AKT3: variants seen among roughly 807,000 people sequenced by gnomAD.
The protein encoded by AKT3 is AKT serine/threonine kinase 3, also known as RAC-gamma serine/threonine-protein kinase.
A neutral mutation model predicts 65.3 loss-of-function variants in AKT3; 15 were observed. The observed-to-expected ratio is 0.23, with a 90% confidence interval of 0.15 to 0.35. The LOEUF (loss-of-function observed/expected upper bound fraction) is 0.35. Ranked by LOEUF, AKT3 falls within the 10% of genes least tolerant of loss-of-function variation. The probability of loss-of-function intolerance (pLI) is 1.00; values close to 1 mark genes in which losing one functional copy is unlikely to be tolerated. For missense variants in AKT3, 243 were observed against 576.5 expected, an observed-to-expected ratio of 0.42 and a Z score of 5.92; for synonymous variants, 206 against 183.8, an observed-to-expected ratio of 1.12 and a Z score of -0.98.
chr1:243,847,763 CCAG>C (rs1447602004), intron 1 of AKT3, among the ~76,000 whole-genome samples: 1 of 152,074 alleles, frequency 6.6e-6, no homozygotes, highest in Non-Finnish European at 1.5e-5. Context: ...TTTAATTAAA[CCAG>C]CACACAGTTC....
At chr1:243,602,028 A>T (rs1010024763) in intron 8 of AKT3, among the ~76,000 whole-genome samples, 1 of 152,232 alleles carries the variant, frequency 6.6e-6, no homozygotes, top group Non-Finnish European at 1.5e-5. Context: ...GAAAGGAATC[A>T]TGTAAATACC....
chr1:243,844,473 A>G (rs553990396), intron 1 of AKT3, among the ~76,000 whole-genome samples: 1 of 152,226 alleles, frequency 6.6e-6, no homozygotes, highest in South Asian at 2.1e-4. Context: ...TCCTATTTAC[A>G]GTATCCAAAA....
At chr1:243,763,752 C>T (rs1341921273) in intron 2 of AKT3, among the ~76,000 whole-genome samples, 1 of 152,030 alleles carries the variant, frequency 6.6e-6, no homozygotes, top group Non-Finnish European at 1.5e-5. Flanking sequence ...TTATTACTGA[C>T]CAGTGTCTTT....
intron 12 of AKT3, among the ~76,000 whole-genome samples, chr1:243,527,913 A>AT (rs1671247805): frequency 1.0e-5 from 1 of 98,164 alleles, no homozygotes; most frequent in African/African-American, 4.8e-5. Flanking sequence ...ACACACACAC[A>AT]CACACACACA....
chr1:243,838,986 A>G (rs1695069579), intron 2 of AKT3, among the ~76,000 whole-genome samples: 1 of 152,208 alleles, frequency 6.6e-6, no homozygotes, highest in Non-Finnish European at 1.5e-5. Context: ...TCTTAGATTT[A>G]TGACAATCTC....
At chr1:243,526,883 A>C (rs1026256810) in intron 12 of AKT3, among the ~76,000 whole-genome samples, 1 of 151,666 alleles carries the variant, frequency 6.6e-6, no homozygotes, top group Non-Finnish European at 1.5e-5. Flanking sequence ...GAAGAAATGA[A>C]AGTGTTCTCA....
At chr1:243,822,312 A>G (rs1272880079) in intron 2 of AKT3, among the ~76,000 whole-genome samples, 3 of 152,172 alleles carry the variant, frequency 2.0e-5, no homozygotes. Context: ...CTAAATGACC[A>G]CATCAAAATA....
At chr1:243,683,426 C>G (rs1435718499) in intron 3 of AKT3, among the ~76,000 whole-genome samples, 76 of 152,032 alleles carry the variant, frequency 5.0e-4, no homozygotes, top group Non-Finnish European at 7.4e-5. Context: ...CCTATGTTTC[C>G]AAATTGTGTT....
intron 12 of AKT3, among the ~76,000 whole-genome samples, chr1:243,528,345 T>TA (rs1671296000): frequency 6.6e-6 from 1 of 152,134 alleles, no homozygotes; most frequent in Non-Finnish European, 1.5e-5. Context: ...TTAGGTTGAG[T>TA]GGCACACACG....
At chr1:243,594,979 A>T (rs1676497436) in intron 8 of AKT3, among the ~76,000 whole-genome samples, 2 of 152,254 alleles carry the variant, frequency 1.3e-5, no homozygotes, top group South Asian at 4.1e-4. Flanking sequence ...CATAAAAATT[A>T]AAATGGATCA....
intron 6 of AKT3, among the ~76,000 whole-genome samples, chr1:243,617,582 T>C (rs1196869069): frequency 6.6e-6 from 1 of 152,074 alleles, no homozygotes; most frequent in East Asian, 1.9e-4. Flanking sequence ...TGATAAGTGA[T>C]ATTAAGGAAA....
At chr1:243,669,034 T>G (rs901805180) in intron 3 of AKT3, among the ~76,000 whole-genome samples, 1 of 141,310 alleles carries the variant, frequency 7.1e-6, no homozygotes, top group Admixed American at 7.6e-5. Context: ...AGACTTAAGT[T>G]TTAAAATACC....
chr1:243,827,362 T>C (rs1694237251), intron 2 of AKT3, among the ~76,000 whole-genome samples: 1 of 152,146 alleles, frequency 6.6e-6, no homozygotes, highest in Non-Finnish European at 1.5e-5. Context: ...TGTTTCTTGA[T>C]TTATCACCTA....
intron 2 of AKT3, among the ~76,000 whole-genome samples, chr1:243,716,034 A>AT (rs1288399196): frequency 1.3e-5 from 2 of 152,184 alleles, no homozygotes; most frequent in Non-Finnish European, 2.9e-5. Flanking sequence ...CATTTTGATT[A>AT]TATCAATGAC....
downstream of AKT3, among the ~76,000 whole-genome samples, chr1:243,499,443 C>A (rs1247234968): frequency 2.0e-5 from 3 of 152,224 alleles, no homozygotes; most frequent in Non-Finnish European, 4.4e-5. Context: ...GTGTCCTTTC[C>A]CGGACAGAAG....
chr1:243,497,517 T>C (rs1002120815), downstream of AKT3, among the ~76,000 whole-genome samples: 5 of 152,088 alleles, frequency 3.3e-5, no homozygotes, highest in African/African-American at 9.7e-5. Context: ...CGTACATCTG[T>C]GTCACCCCCA....
chr1:243,623,604 A>G (rs562102165), intron 6 of AKT3, among the ~76,000 whole-genome samples: 1 of 152,224 alleles, frequency 6.6e-6, no homozygotes, highest in African/African-American at 2.4e-5. Context: ...TCAGAACTCT[A>G]GGCTCTCTGA....
rs1047471606 is a variant in AKT3, at chr1:243,489,262, G to T, written c.*7-812C>A. The T allele has an allele frequency of 9.7e-6, 13 of 1,344,440 alleles. No individual in the cohort carries two copies. In the South Asian group the frequency reaches 1.8e-4, roughly 19 times the overall value. The allele number at this position is 1,344,440 out of a possible 1,614,324, so 83.3% of individuals were successfully genotyped here. A position where few individuals can be genotyped will look rare whatever the true frequency, so the allele number is the denominator to read the frequency against. On this transcript the variant is annotated intron_variant, in intron 13 of 13. Coordinates refer to the AKT3 transcript ENST00000336199. ...CATCGGTTAGCAGTAAGCTGGGAGG[G>T]AGGTCCCGAAGACTGTGCTGGGCAC...
chr1:243,806,599 T>C (rs1046832492), intron 2 of AKT3, among the ~76,000 whole-genome samples: 3 of 152,222 alleles, frequency 2.0e-5, no homozygotes, highest in African/African-American at 7.2e-5. Flanking sequence ...AGACTACAAC[T>C]TTTAATGTTA....
Sources: allele counts gnomAD v4.1 joint callset (sites outside exome capture counted in the v4.1 genomes callset), GRCh38; gene constraint gnomAD v4.1.1; transcripts MANE v1.5; gene names NCBI Gene and HGNC (gene_info 2026-07-23, HGNC 2026-07-21).